Variants in AVL9 observed in about 807,000 individuals in gnomAD.
AVL9 encodes late secretory pathway protein AVL9 homolog.
A neutral mutation model predicts 79.2 loss-of-function variants in AVL9; 49 were observed. The observed-to-expected ratio is 0.62, with a 90% CI of 0.49 to 0.79. AVL9 has a LOEUF of 0.79. Ranked by LOEUF, AVL9 falls within the 30% of genes least tolerant of loss-of-function variation. The pLI is 0.00. For synonymous variants in AVL9, 299 were observed against 280.6 expected (o/e 1.07, Z -0.65); for missense variants, 682 against 776.8 (o/e 0.88, Z 1.45).
In AVL9 at chr7:32,581,324, TAAAA is replaced by T. The variant is rs1791498560; in HGVS notation, c.1831+436_1831+439del. On this transcript the variant is annotated intron_variant, in intron 15 of 15. Coordinates refer to ENST00000318709, the MANE Select transcript of AVL9 (RefSeq NM_015060.3). ...CAATATTTATAAAATCTGGTAAAGA[TAAAA>T]AGAAAGAAGGTACAAATTACCAACG... The T allele has an allele frequency of 2.6e-5, 4 of 154,270 alleles. No individual in the cohort carries two copies. The Admixed American group carries it at 2.6e-4, about 10-fold the overall frequency. 9.6% of individuals were successfully genotyped at this position (154,270 alleles called of 1,614,324 possible).
chr7:32,526,961 G>A (rs1788426529), intron 1 of AVL9, among the ~76,000 whole-genome samples: 1 of 152,148 alleles, frequency 6.6e-6, no homozygotes, highest in Admixed American at 6.5e-5. Context: ...CCAGTGTGCA[G>A]GCCAGTTGGA....
At chr7:32,510,684 G>A (rs1473560028) in intron 1 of AVL9, among the ~76,000 whole-genome samples, 1 of 137,076 alleles carries the variant, frequency 7.3e-6, no homozygotes, top group African/African-American at 2.7e-5. Context: ...GTCAGGTCTG[G>A]TTGTGGGAGT....
At chr7:32,568,232 AC>A (rs1441610857) in intron 10 of AVL9, among the ~76,000 whole-genome samples, 1 of 142,914 alleles carries the variant, frequency 7.0e-6, no homozygotes, top group Non-Finnish European at 1.5e-5. Flanking sequence ...ATGGAGTCTT[AC>A]TCTGTCGCCC....
At chr7:32,510,157 C>G (rs960193475) in intron 1 of AVL9, among the ~76,000 whole-genome samples, 15 of 150,580 alleles carry the variant, frequency 1.0e-4, no homozygotes, top group African/African-American at 3.7e-4. Flanking sequence ...AGTCCTGGCA[C>G]TTCTGAACTG....
At chr7:32,580,355 T>C in intron 14 of AVL9, 83 bp downstream of exon 14, 1 of 1,109,180 alleles carries the variant, frequency 9.0e-7, no homozygotes, top group South Asian at 1.3e-5. Context: ...GAATTGTTTT[T>C]CTCTACTTGA....
intron 7 of AVL9, 128 bp downstream of exon 7, chr7:32,553,895 T>A (rs924956244): frequency 1.7e-6 from 1 of 599,410 alleles, no homozygotes; most frequent in Non-Finnish European, 3.0e-6. Context: ...ATACCATGCT[T>A]TAGTTCTTCT....
At chr7:32,497,154 G>A (rs1301300486) in intron 1 of AVL9, among the ~76,000 whole-genome samples, 1 of 151,986 alleles carries the variant, frequency 6.6e-6, no homozygotes, top group African/African-American at 2.4e-5. Context: ...TGAGGAGTTC[G>A]AAACCAGCCT....
chr7:32,513,189 T>C (rs1179274909), intron 1 of AVL9, among the ~76,000 whole-genome samples: 2 of 152,210 alleles, frequency 1.3e-5, no homozygotes, highest in African/African-American at 4.8e-5. Flanking sequence ...TGTCATAGTA[T>C]TGGCTTTGTA....
At chr7:32,572,434 T>G (rs1562797095) in intron 11 of AVL9, among the ~76,000 whole-genome samples, 1 of 134,374 alleles carries the variant, frequency 7.4e-6, no homozygotes, top group East Asian at 1.9e-4. Context: ...GGAATTTCTT[T>G]TATTATTATA....
intron 13 of AVL9, among the ~76,000 whole-genome samples, chr7:32,578,280 C>T (rs566883132): frequency 5.9e-5 from 9 of 152,228 alleles, no homozygotes; most frequent in South Asian, 2.1e-4. Context: ...GTCAGACACT[C>T]GGTTCATCTT....
chr7:32,546,083 T>TTTTTTTTTTA (rs1554340432), intron 3 of AVL9, among the ~76,000 whole-genome samples: 15 of 144,816 alleles, frequency 1.0e-4, no homozygotes, highest in South Asian at 2.1e-4. Context: ...TTTTTTTTTT[T>TTTTTTTTTTA]AAATATCTGT....
chr7:32,523,786 T>G (rs1314068000), intron 1 of AVL9, among the ~76,000 whole-genome samples: 1 of 147,514 alleles, frequency 6.8e-6, no homozygotes, highest in Non-Finnish European at 1.5e-5. Flanking sequence ...CAGGCTGGAG[T>G]GCAGTGGCAC....
chr7:32,541,338 TTAAA>T (rs138993092), intron 1 of AVL9, among the ~76,000 whole-genome samples: 35,341 of 151,974 alleles, frequency 0.23, 4,852 homozygotes, highest in Admixed American at 0.34. Context: ...AAAATTCATT[TTAAA>T]TAAATATCTG....
chr7:32,506,519 CAG>C (rs376090427), intron 1 of AVL9, among the ~76,000 whole-genome samples: 21 of 152,146 alleles, frequency 1.4e-4, no homozygotes, highest in African/African-American at 5.1e-4. Context: ...TCATGCTCCT[CAG>C]AATGGCACAC....
chr7:32,583,766 C>T (rs1335447417), intron 15 of AVL9, 26 bp from the exon 16 acceptor site: 10 of 1,463,106 alleles, frequency 6.8e-6, no homozygotes, highest in South Asian at 2.4e-5. Context: ...GACATTTTTC[C>T]TTTTGTTTTT....
At chr7:32,533,531 G>A (rs549562507) in intron 1 of AVL9, 2 of 152,296 alleles carry the variant, frequency 1.3e-5, no homozygotes, top group South Asian at 2.1e-4. Context: ...AATGCCAATT[G>A]CTTTGTAGTA....
In AVL9 at chr7:32,524,589, C is replaced by A. The variant is rs569571754; in HGVS notation, c.94-18552C>A. ...AAAAGAAAATGGGTATTATATCTAA[C>A]TGAGGGATGTTTCCCCTATCTAGTG... On this transcript the variant is annotated intron_variant, in intron 1 of 15. Transcript: ENST00000318709. 1.4e-4 allele frequency among the ~76,000 whole-genome samples: 13 copies of A among 92,166 alleles called. No homozygotes were observed. In the South Asian group the frequency reaches 3.5e-3, roughly 25 times the overall value. 60.5% of individuals were successfully genotyped at this position (92,166 alleles called of 152,430 possible). A position where few individuals can be genotyped will look rare whatever the true frequency, so the allele number is the denominator to read the frequency against.
At chr7:32,543,020 CATT>C in intron 1 of AVL9, 118 bp from the exon 2 acceptor site, 1 of 1,255,598 alleles carries the variant, frequency 8.0e-7, no homozygotes, top group Non-Finnish European at 1.1e-6. Flanking sequence ...TATCAAATGA[CATT>C]ATACAGTGTG....
intron 3 of AVL9, among the ~76,000 whole-genome samples, chr7:32,546,087 T>A: frequency 6.6e-6 from 1 of 151,500 alleles, no homozygotes; most frequent in South Asian, 2.1e-4. Context: ...TTTTTTTAAA[T>A]ATCTGTACCT....
Sources: gnomAD v4.1 joint callset for allele counts (sites outside exome capture counted in the v4.1 genomes callset) on GRCh38, gnomAD v4.1.1 for gene constraint, MANE v1.5 for transcripts, NCBI Gene and HGNC (gene_info 2026-07-23, HGNC 2026-07-21) for gene names.